The following FARS2 variants were observed in gnomAD, a reference collection of about 807,000 sequenced individuals.
FARS2 encodes the protein phenylalanine--tRNA ligase, mitochondrial.
FARS2 carries 40 observed loss-of-function variants against 46.4 expected under a neutral mutation model. The ratio of observed to expected loss-of-function variants is 0.86; its 90% CI spans 0.67 to 1.12. The LOEUF (loss-of-function observed/expected upper bound fraction) is 1.12, where lower values mean the gene tolerates loss of function less well. Among genes scored for constraint, FARS2 ranks in the 50% most tolerant of loss-of-function variants. FARS2 has a pLI of 0.00. For missense variants in FARS2, 513 were observed against 567.9 expected (o/e 0.90, Z 0.98); for synonymous variants, 234 against 214.9 (o/e 1.09, Z -0.78).
chr6:5,626,737 A>T (rs1268116652), intron 6 of FARS2, among the ~76,000 whole-genome samples: 1 of 152,240 alleles, frequency 6.6e-6, no homozygotes, highest in African/African-American at 2.4e-5. Context: ...ACAAAATTCC[A>T]GTTACCTAAT....
At chr6:5,264,907 C>T (rs1374345967) in intron 1 of FARS2, among the ~76,000 whole-genome samples, 5 of 152,088 alleles carry the variant, frequency 3.3e-5, no homozygotes, top group Admixed American at 2.6e-4. Flanking sequence ...GATTTTCCTG[C>T]CTCAGCCTCC....
intron 5 of FARS2, among the ~76,000 whole-genome samples, chr6:5,605,420 G>A (rs983928438): frequency 4.6e-5 from 7 of 152,192 alleles, no homozygotes; most frequent in African/African-American, 1.7e-4. Flanking sequence ...ATCCTGGGAA[G>A]AGCACAGGAC....
Position 5,727,039 on chromosome 6 carries a change from C to A in FARS2, c.1218-44252C>A, listed in dbSNP as rs560969209. ...GTATGGCCTTGGGTCAGATACTTGG[C>A]CTCATTGAGCTTCACTTCCACCGTC... On this transcript the variant is annotated intron_variant, in intron 6 of 6. Coordinates refer to ENST00000274680, the MANE Select transcript of FARS2 (RefSeq NM_006567.5). The surrounding 1 kb of genome is among the most constrained non-coding windows in gnomAD (Gnocchi z 4.1). 2.4e-4 allele frequency among the ~76,000 whole-genome samples: 36 copies of A among 152,366 alleles called. No homozygotes were observed. Among genetic ancestry groups the A allele is most frequent in the African/African-American group, 8.7e-4 (36 of 41,586 alleles).
chr6:5,698,346 G>T (rs115535918), intron 6 of FARS2, among the ~76,000 whole-genome samples: 3,641 of 152,202 alleles, frequency 0.024, 160 homozygotes, highest in African/African-American at 0.084. Context: ...GAGAGAGTAG[G>T]GGGAGGGAGG....
chr6:5,293,639 T>G (rs1767651522), intron 1 of FARS2, among the ~76,000 whole-genome samples: 1 of 152,248 alleles, frequency 6.6e-6, no homozygotes. Flanking sequence ...CACTTTTATT[T>G]AAAGAGTCTT....
At chr6:5,275,357 C>A (rs573014489) in intron 1 of FARS2, among the ~76,000 whole-genome samples, 1 of 152,120 alleles carries the variant, frequency 6.6e-6, no homozygotes, top group Admixed American at 6.5e-5. Flanking sequence ...CTGATTTTAT[C>A]ATTATTTCTT....
intron 3 of FARS2, among the ~76,000 whole-genome samples, chr6:5,406,072 G>T (rs1278515285): frequency 6.6e-6 from 1 of 151,898 alleles, no homozygotes; most frequent in African/African-American, 2.4e-5. Flanking sequence ...TTTAAATCAC[G>T]ATATAAAGAG....
At chr6:5,623,951 G>A (rs564785897) in intron 6 of FARS2, among the ~76,000 whole-genome samples, 1 of 152,306 alleles carries the variant, frequency 6.6e-6, no homozygotes, top group East Asian at 1.9e-4. Flanking sequence ...GCCAATGACA[G>A]CTAATCTTGA....
At chr6:5,328,179 A>G (rs1052486955) in intron 1 of FARS2, among the ~76,000 whole-genome samples, 4 of 152,222 alleles carry the variant, frequency 2.6e-5, no homozygotes, top group Non-Finnish European at 5.9e-5. Context: ...TAGAATCTAC[A>G]TGTTAGCTTT....
At chr6:5,624,271 C>T (rs147857664) in intron 6 of FARS2, among the ~76,000 whole-genome samples, 308 of 152,308 alleles carry the variant, frequency 2.0e-3, no homozygotes, top group Non-Finnish European at 2.9e-3. Flanking sequence ...CATCTCATTC[C>T]CATCACATAG....
At chr6:5,538,937 C>T (rs1435689006) in intron 4 of FARS2, among the ~76,000 whole-genome samples, 1 of 152,132 alleles carries the variant, frequency 6.6e-6, no homozygotes, top group Non-Finnish European at 1.5e-5. Context: ...TCCAGTTGCT[C>T]TCTGTTCCCC....
intron 4 of FARS2, chr6:5,458,125 A>C (rs1191990784): frequency 6.5e-6 from 1 of 153,102 alleles, no homozygotes; most frequent in Non-Finnish European, 1.5e-5. Context: ...CCCATGGCCA[A>C]GTCCCCTTGG....
At chr6:5,470,587 A>G (rs934758190) in intron 4 of FARS2, among the ~76,000 whole-genome samples, 1 of 152,198 alleles carries the variant, frequency 6.6e-6, no homozygotes, top group African/African-American at 2.4e-5. Context: ...GTAATTTTTT[A>G]TTAGAATAAC....
At chr6:5,641,881 C>T (rs1030161909) in intron 6 of FARS2, among the ~76,000 whole-genome samples, 1 of 152,198 alleles carries the variant, frequency 6.6e-6, no homozygotes, top group Non-Finnish European at 1.5e-5. Flanking sequence ...TCTCCACGGT[C>T]ATCATCCTTG....
At chr6:5,331,789 G>A (rs1770815437) in intron 1 of FARS2, among the ~76,000 whole-genome samples, 1 of 152,058 alleles carries the variant, frequency 6.6e-6, no homozygotes, top group Non-Finnish European at 1.5e-5. Flanking sequence ...TGGGGCCTGG[G>A]GTCACACCTC....
At chr6:5,591,311 CCAAGACAAGGT>C (rs1028106027) in intron 5 of FARS2, among the ~76,000 whole-genome samples, 35 of 152,270 alleles carry the variant, frequency 2.3e-4, no homozygotes, top group Non-Finnish European at 3.7e-4. Flanking sequence ...ACCGAGTGGT[CCAAGACAAGGT>C]GGTCAGCTTT....
At chr6:5,329,999 A>G (rs928528120) in intron 1 of FARS2, among the ~76,000 whole-genome samples, 1 of 152,074 alleles carries the variant, frequency 6.6e-6, no homozygotes, top group African/African-American at 2.4e-5. Flanking sequence ...TTGCTGTGAT[A>G]TTTCTGGAGA....
intron 4 of FARS2, among the ~76,000 whole-genome samples, chr6:5,455,425 T>C (rs750565453): frequency 6.6e-6 from 1 of 152,222 alleles, no homozygotes; most frequent in Non-Finnish European, 1.5e-5. Context: ...TGTAGTTTAC[T>C]GAGCAATTTC....
chr6:5,617,943 AT>A (rs1426123042), intron 6 of FARS2, among the ~76,000 whole-genome samples: 1 of 152,240 alleles, frequency 6.6e-6, no homozygotes, highest in African/African-American at 2.4e-5. Flanking sequence ...TTTAGTAATG[AT>A]GGCTTACTGT....
Sources: gnomAD v4.1 joint callset for allele counts (sites outside exome capture counted in the v4.1 genomes callset) on GRCh38, gnomAD v4.1.1 for gene constraint, Gnocchi (gnomAD v3.1) non-coding constraint, MANE v1.5 for transcripts, NCBI Gene and HGNC (gene_info 2026-07-23, HGNC 2026-07-21) for gene names.